The following FOCAD variants were observed in gnomAD, a reference collection of about 807,000 sequenced individuals.
FOCAD encodes the protein KIAA1797.
FOCAD carries 198 observed loss-of-function variants against 225.6 expected under a neutral mutation model. The observed-to-expected ratio is 0.88, with a 90% CI of 0.78 to 0.99. FOCAD has a LOEUF of 0.99. Ranked by LOEUF, FOCAD falls within the 50% of genes least tolerant of loss-of-function variation. The probability of loss-of-function intolerance (pLI) is 0.00; values close to 1 mark genes in which losing one functional copy is unlikely to be tolerated. For missense variants in FOCAD, 2,713 were observed against 2,123.6 expected, an observed-to-expected ratio of 1.28 and a Z score of -5.46; for synonymous variants, 897 against 755.0, an observed-to-expected ratio of 1.19 and a Z score of -3.08.
chr9:20,932,467 A>G (rs540847073), intron 27 of FOCAD, among the ~76,000 whole-genome samples: 1 of 152,290 alleles, frequency 6.6e-6, no homozygotes, highest in African/African-American at 2.4e-5. Context: ...TCACCCAGGC[A>G]TTTATAAAAT....
At chr9:20,957,159 G>T (rs1219372230) in intron 35 of FOCAD, among the ~76,000 whole-genome samples, 2 of 152,078 alleles carry the variant, frequency 1.3e-5, no homozygotes, top group African/African-American at 4.8e-5. Context: ...AAACTTTCTG[G>T]CTCAAGTGAT....
intron 8 of FOCAD, among the ~76,000 whole-genome samples, chr9:20,770,650 G>A (rs1157099426): frequency 2.0e-5 from 3 of 152,180 alleles, no homozygotes; most frequent in South Asian, 2.1e-4. Flanking sequence ...CAGGGGCATA[G>A]ATCCAAACCA....
chr9:20,702,429 A>C (rs1587267592), intron 1 of FOCAD, among the ~76,000 whole-genome samples: 1 of 152,188 alleles, frequency 6.6e-6, no homozygotes, highest in Non-Finnish European at 1.5e-5. Context: ...AAAAACTTTA[A>C]GTCAACTGTA....
At chr9:20,800,118 G>T (rs1821626970) in intron 11 of FOCAD, among the ~76,000 whole-genome samples, 1 of 152,022 alleles carries the variant, frequency 6.6e-6, no homozygotes, top group South Asian at 2.1e-4. Flanking sequence ...GCTTAATTTG[G>T]CTGGATATGA....
At chr9:20,924,332 A>G (rs1460853461) in intron 25 of FOCAD, among the ~76,000 whole-genome samples, 1 of 152,188 alleles carries the variant, frequency 6.6e-6, no homozygotes, top group African/African-American at 2.4e-5. Flanking sequence ...TCATCTAGAG[A>G]TGACATAACT....
At chr9:20,754,855 C>T (rs1260886302) in intron 5 of FOCAD, among the ~76,000 whole-genome samples, 1 of 152,028 alleles carries the variant, frequency 6.6e-6, no homozygotes. Context: ...CATGCATGGG[C>T]AGTTGTGCAA....
intron 16 of FOCAD, 23 bp downstream of exon 16, chr9:20,862,735 A>T: frequency 6.3e-7 from 1 of 1,597,382 alleles, no homozygotes; most frequent in Non-Finnish European, 8.5e-7. Flanking sequence ...AGCTCAGCAC[A>T]TTGCCTGCTT....
intron 22 of FOCAD, among the ~76,000 whole-genome samples, chr9:20,907,746 C>T (rs1295467059): frequency 6.6e-6 from 1 of 152,064 alleles, no homozygotes; most frequent in Non-Finnish European, 1.5e-5. Flanking sequence ...CCCTGCCACT[C>T]CCTCTTTACC....
chr9:20,905,743 G>A (rs961817646), intron 21 of FOCAD, among the ~76,000 whole-genome samples: 2 of 151,984 alleles, frequency 1.3e-5, no homozygotes, highest in Non-Finnish European at 2.9e-5. Flanking sequence ...AGCCTAGGTT[G>A]TAGTTTGCCA....
chr9:20,710,723 A>C (rs1012130840), intron 1 of FOCAD, among the ~76,000 whole-genome samples: 2 of 152,190 alleles, frequency 1.3e-5, no homozygotes, highest in African/African-American at 4.8e-5. Flanking sequence ...TTAAGGTCAC[A>C]AAAATGTTTG....
chr9:20,916,231 G>A (rs1167073863), intron 23 of FOCAD, among the ~76,000 whole-genome samples: 1 of 152,118 alleles, frequency 6.6e-6, no homozygotes, highest in East Asian at 1.9e-4. Context: ...TTGACAGCAA[G>A]TGGTTGTTTT....
At chr9:20,943,335 A>G (rs960016041) in intron 28 of FOCAD, among the ~76,000 whole-genome samples, 1 of 152,218 alleles carries the variant, frequency 6.6e-6, no homozygotes, top group African/African-American at 2.4e-5. Context: ...TCGTTATGCA[A>G]CAGAAACTAG....
chr9:20,971,873 T>A (rs1839796695), intron 35 of FOCAD, among the ~76,000 whole-genome samples: 1 of 152,168 alleles, frequency 6.6e-6, no homozygotes, highest in Non-Finnish European at 1.5e-5. Context: ...TGTGAATGGC[T>A]AATTTAATGT....
At chr9:20,724,612 G>C (rs1420129083) in intron 4 of FOCAD, among the ~76,000 whole-genome samples, 1 of 152,102 alleles carries the variant, frequency 6.6e-6, no homozygotes, top group Non-Finnish European at 1.5e-5. Context: ...ATTGTTGCCA[G>C]TGGATATAAT....
intron 1 of FOCAD, among the ~76,000 whole-genome samples, chr9:20,708,878 A>C (rs1261193395): frequency 1.3e-5 from 2 of 152,202 alleles, no homozygotes; most frequent in African/African-American, 4.8e-5. Flanking sequence ...GAGTGCTCAA[A>C]GTCAAATGTC....
chr9:20,943,531 A>T (rs370861378), intron 28 of FOCAD, among the ~76,000 whole-genome samples: 2 of 152,252 alleles, frequency 1.3e-5, no homozygotes, highest in South Asian at 2.1e-4. Context: ...TAGCCTGTCT[A>T]TCCTTCTGGG....
chr9:20,745,486 A>T (rs931235135), intron 5 of FOCAD, among the ~76,000 whole-genome samples: 1 of 152,186 alleles, frequency 6.6e-6, no homozygotes, highest in Non-Finnish European at 1.5e-5. Context: ...ATAAATTTTC[A>T]TGGGTTGTAA....
intron 31 of FOCAD, 130 bp from the exon 32 acceptor site, chr9:20,948,721 T>A: frequency 1.0e-6 from 1 of 955,074 alleles, no homozygotes; most frequent in Non-Finnish European, 1.6e-6. Flanking sequence ...GGTTCAGTTA[T>A]ACAGGTTACG....
intron 6 of FOCAD, 64 bp from the exon 7 acceptor site, chr9:20,764,804 TG>T: frequency 8.1e-7 from 1 of 1,232,740 alleles, no homozygotes; most frequent in Non-Finnish European, 1.2e-6. Flanking sequence ...AGTTGATATT[TG>T]CCACTTACCT....
Sources: allele counts gnomAD v4.1 joint callset (sites outside exome capture counted in the v4.1 genomes callset), GRCh38; gene constraint gnomAD v4.1.1; transcripts MANE v1.5; gene names NCBI Gene and HGNC (gene_info 2026-07-23, HGNC 2026-07-21).